TEX36: variants seen among roughly 807,000 people sequenced by gnomAD.
TEX36 encodes testis expressed 36.
Under a neutral mutation model 13.6 loss-of-function variants are expected in TEX36, and 12 were observed. That is an observed-to-expected ratio of 0.88 (90% CI 0.56 to 1.43). The LOEUF (loss-of-function observed/expected upper bound fraction) is 1.43, where lower values mean the gene tolerates loss of function less well. Among genes scored for constraint, TEX36 ranks in the 40% most tolerant of loss-of-function variants. The probability of loss-of-function intolerance (pLI) is 0.00; values close to 1 mark genes in which losing one functional copy is unlikely to be tolerated. For synonymous variants in TEX36, 93 were observed against 83.0 expected, an observed-to-expected ratio of 1.12 and a Z score of -0.65; for missense variants, 224 against 228.3, an observed-to-expected ratio of 0.98 and a Z score of 0.12.
intron 3 of TEX36, among the ~76,000 whole-genome samples, chr10:125,631,389 G>A (rs546610608): frequency 5.3e-4 from 81 of 152,298 alleles, no homozygotes; most frequent in African/African-American, 1.7e-3. Context: ...ACACACCTTC[G>A]GGGTGGGCCT....
chr10:125,649,108 C>T (rs1406239964), intron 3 of TEX36, among the ~76,000 whole-genome samples: 1 of 152,176 alleles, frequency 6.6e-6, no homozygotes, highest in African/African-American at 2.4e-5. Flanking sequence ...AGAACTTCCC[C>T]AACCTAGTGA....
intron 3 of TEX36, among the ~76,000 whole-genome samples, chr10:125,590,028 A>C (rs1452902283): frequency 6.6e-6 from 1 of 152,200 alleles, no homozygotes; most frequent in South Asian, 2.1e-4. Flanking sequence ...ATGTGTCTGC[A>C]AGGTGTCTGC....
At chr10:125,598,002 G>A (rs1426522266) in intron 3 of TEX36, among the ~76,000 whole-genome samples, 1 of 152,142 alleles carries the variant, frequency 6.6e-6, no homozygotes, top group Non-Finnish European at 1.5e-5. Context: ...AGCTAGCTAG[G>A]TGCCTGGAAT....
At chr10:125,615,991 T>C (rs1189394550) in intron 3 of TEX36, among the ~76,000 whole-genome samples, 1 of 152,212 alleles carries the variant, frequency 6.6e-6, no homozygotes, top group Non-Finnish European at 1.5e-5. Context: ...GAGATTCAAC[T>C]TCTTCCTGGT....
chr10:125,577,581 A>T (rs1845839448), intron 3 of TEX36, among the ~76,000 whole-genome samples: 1 of 152,236 alleles, frequency 6.6e-6, no homozygotes, highest in Non-Finnish European at 1.5e-5. Context: ...TGTGGAGTGA[A>T]AACATCACCC....
At chr10:125,584,433 C>T (rs1355625915) in intron 3 of TEX36, among the ~76,000 whole-genome samples, 1 of 152,112 alleles carries the variant, frequency 6.6e-6, no homozygotes, top group Non-Finnish European at 1.5e-5. Flanking sequence ...TTTTAACAGC[C>T]ATTAATATGT....
chr10:125,642,493 CG>C (rs111424777), intron 3 of TEX36, among the ~76,000 whole-genome samples: 8,653 of 152,090 alleles, frequency 0.057, 771 homozygotes, highest in African/African-American at 0.19. Flanking sequence ...ATTTAAGATG[CG>C]TGAAACATCA....
At chr10:125,621,509 C>A, downstream of TEX36, 2 of 419,952 alleles carry the variant, frequency 4.8e-6, no homozygotes, top group Admixed American at 2.6e-5. Flanking sequence ...TTTGATATTG[C>A]CTTTTCCACT....
intron 3 of TEX36, among the ~76,000 whole-genome samples, chr10:125,642,760 T>G (rs940725991): frequency 1.3e-5 from 2 of 152,236 alleles, no homozygotes; most frequent in African/African-American, 4.8e-5. Context: ...TAATACTTAC[T>G]AATTCCCTAT....
intron 3 of TEX36, among the ~76,000 whole-genome samples, chr10:125,595,882 T>A (rs1846077157): frequency 6.6e-6 from 1 of 152,182 alleles, no homozygotes; most frequent in South Asian, 2.1e-4. Flanking sequence ...AGGCAGGGAT[T>A]TTTTCTATTT....
chr10:125,611,943 G>A (rs17153272), intron 3 of TEX36, among the ~76,000 whole-genome samples: 9,491 of 151,792 alleles, frequency 0.063, 937 homozygotes, highest in African/African-American at 0.21. Context: ...TGCTGTCATA[G>A]CACTTTGCAC....
intron 3 of TEX36, among the ~76,000 whole-genome samples, chr10:125,585,253 C>A (rs1471172414): frequency 6.6e-6 from 1 of 152,132 alleles, no homozygotes; most frequent in Non-Finnish European, 1.5e-5. Context: ...GACGAGTTCC[C>A]AGAGGGAGAA....
At chr10:125,682,460 T>C (rs1159291554) in intron 1 of TEX36, among the ~76,000 whole-genome samples, 3 of 152,240 alleles carry the variant, frequency 2.0e-5, no homozygotes, top group Non-Finnish European at 2.9e-5. Context: ...AGAATTTGTT[T>C]AGAGGTTTCT....
chr10:125,595,344 G>A (rs1216706959), intron 3 of TEX36, among the ~76,000 whole-genome samples: 1 of 151,980 alleles, frequency 6.6e-6, no homozygotes, highest in East Asian at 1.9e-4. Context: ...CTTGTCTGAA[G>A]CTAGCATCAC....
intron 3 of TEX36, among the ~76,000 whole-genome samples, chr10:125,627,429 C>T (rs1846501815): frequency 6.6e-6 from 1 of 152,120 alleles, no homozygotes; most frequent in Non-Finnish European, 1.5e-5. Context: ...GATCAATAAA[C>T]CATTGGCCTG....
At chr10:125,580,751 C>G (rs1020258780) in intron 3 of TEX36, among the ~76,000 whole-genome samples, 8 of 152,090 alleles carry the variant, frequency 5.3e-5, no homozygotes, top group Non-Finnish European at 1.2e-4. Flanking sequence ...TCCCTCTGAC[C>G]AGGGGTAGGG....
intron 3 of TEX36, among the ~76,000 whole-genome samples, chr10:125,630,369 T>A (rs1028027048): frequency 6.6e-6 from 1 of 152,160 alleles, no homozygotes; most frequent in Non-Finnish European, 1.5e-5. Context: ...CAGTGGTGGA[T>A]GAGACTGACT....
At chr10:125,589,613 T>C (rs966287142) in intron 3 of TEX36, among the ~76,000 whole-genome samples, 3 of 152,232 alleles carry the variant, frequency 2.0e-5, no homozygotes, top group Non-Finnish European at 1.5e-5. Context: ...CCAGAATACA[T>C]TGAAAGAATC....
At chr10:125,579,897 A>C (rs1421071158) in intron 3 of TEX36, among the ~76,000 whole-genome samples, 1 of 152,272 alleles carries the variant, frequency 6.6e-6, no homozygotes, top group South Asian at 2.1e-4. Flanking sequence ...CCTTCTTTAT[A>C]AATTACCTAG....
Sources: allele counts gnomAD v4.1 joint callset (sites outside exome capture counted in the v4.1 genomes callset), GRCh38; gene constraint gnomAD v4.1.1; transcripts MANE v1.5; gene names NCBI Gene and HGNC (gene_info 2026-07-23, HGNC 2026-07-21).